AP3B1: variants seen among roughly 807,000 people sequenced by gnomAD.
AP3B1 encodes the protein AP-3 complex subunit beta-1.
AP3B1 carries 61 observed loss-of-function variants against 132.5 expected under a neutral mutation model. The ratio of observed to expected loss-of-function variants is 0.46; its 90% CI spans 0.37 to 0.57. The LOEUF is 0.57. AP3B1 is among the 20% of genes least tolerant of loss of function. The pLI, the probability that AP3B1 is intolerant of heterozygous loss-of-function variation, is 0.00. For synonymous variants in AP3B1, 388 were observed against 438.3 expected (o/e 0.89, Z 1.43); for missense variants, 1,120 against 1,289.4 (o/e 0.87, Z 2.01).
chr5:78,290,817 C>T (rs963193656), intron 1 of AP3B1, among the ~76,000 whole-genome samples: 1 of 151,970 alleles, frequency 6.6e-6, no homozygotes, highest in African/African-American at 2.4e-5. Flanking sequence ...GGCATGGTAG[C>T]ATGCACCTGT....
At chr5:78,122,157 T>TA (rs1752236875) in intron 17 of AP3B1, among the ~76,000 whole-genome samples, 1 of 152,184 alleles carries the variant, frequency 6.6e-6, no homozygotes, top group Non-Finnish European at 1.5e-5. Context: ...CCCTTCATGC[T>TA]AAAAACTCTC....
chr5:78,000,997 ATAC>A (rs573429055), downstream of AP3B1: 153 of 152,324 alleles, frequency 1.0e-3, no homozygotes, highest in African/African-American at 3.6e-3. Flanking sequence ...TCACTGATTC[ATAC>A]TACATTATAT....
chr5:78,140,121 T>A (rs1051051248), intron 15 of AP3B1, among the ~76,000 whole-genome samples: 6 of 152,212 alleles, frequency 3.9e-5, no homozygotes, highest in Non-Finnish European at 7.3e-5. Flanking sequence ...GCAATTCAGA[T>A]ATAGGAAAAG....
chr5:78,205,432 CAT>C (rs199735461), intron 7 of AP3B1, among the ~76,000 whole-genome samples: 15 of 151,044 alleles, frequency 9.9e-5, no homozygotes, highest in Middle Eastern at 3.4e-3. Flanking sequence ...TATATATATA[CAT>C]ATATATATAC....
At chr5:78,216,963 G>A (rs1745989249) in intron 6 of AP3B1, among the ~76,000 whole-genome samples, 2 of 152,034 alleles carry the variant, frequency 1.3e-5, no homozygotes, top group Admixed American at 1.3e-4. Context: ...GTAACATTGA[G>A]ATTCCTTTAC....
At position 78,111,175 on chromosome 5, in the gene AP3B1, C is replaced by A. The variant is rs138860730; in HGVS notation, c.2250-821G>T. 7.5e-3 allele frequency among the ~76,000 whole-genome samples: 1,142 copies of A among 152,266 alleles called. 17 individuals carry two copies. The highest frequency in any genetic ancestry group is 0.026 in the African/African-American group (1,070 of 41,550). Reference sequence around the variant, plus strand: ...TCCCAAATGTGACCTTAAACACATTCTATGAGAAAATGTTAACCAGTTCAA... The same window carrying A: ...TCCCAAATGTGACCTTAAACACATTATATGAGAAAATGTTAACCAGTTCAA... On this transcript the variant is annotated intron_variant, in intron 19 of 26. Transcript: ENST00000255194.
intron 13 of AP3B1, among the ~76,000 whole-genome samples, chr5:78,160,289 C>T (rs1474672312): frequency 6.6e-6 from 1 of 152,142 alleles, no homozygotes; most frequent in Admixed American, 6.5e-5. Flanking sequence ...ACAAAGTCTT[C>T]TGCCCCAATC....
In AP3B1 at chr5:78,087,657, G is replaced by A. The variant is rs935815761; in HGVS notation, c.2577+1736C>T. ...TTTTTTGCCCAACTTTAGATGGAGT[G>A]CTTTTCTTTCCTTTGAAGAGACCAT... On this transcript the variant is annotated intron_variant, in intron 22 of 26. Coordinates refer to ENST00000255194, the MANE Select transcript of AP3B1 (RefSeq NM_003664.5). The A allele has an allele frequency of 3.5e-5, 34 of 985,120 alleles. No individual in the cohort carries two copies. The African/African-American group carries it at 5.9e-4, about 17-fold the overall frequency. The allele number at this position is 985,120 out of a possible 1,614,324, so 61.0% of individuals were successfully genotyped here.
chr5:78,257,944 A>G (rs185873295), intron 2 of AP3B1, among the ~76,000 whole-genome samples: 148 of 152,304 alleles, frequency 9.7e-4, no homozygotes, highest in African/African-American at 3.1e-3. Context: ...TGCTAGGAAA[A>G]CTGGATATCC....
chr5:78,036,103 T>C (rs909433618), intron 23 of AP3B1, among the ~76,000 whole-genome samples: 2 of 152,150 alleles, frequency 1.3e-5, no homozygotes, highest in Non-Finnish European at 2.9e-5. Context: ...AAGTGACAGC[T>C]CTCAAGATGC....
intron 6 of AP3B1, among the ~76,000 whole-genome samples, chr5:78,219,648 C>T (rs558654097): frequency 6.6e-6 from 1 of 152,094 alleles, no homozygotes; most frequent in African/African-American, 2.4e-5. Flanking sequence ...AAAAACTATT[C>T]ATATGACACA....
Position 78,039,225 on chromosome 5 carries a change from C to T in AP3B1, c.2627G>A (p.Arg876Gln), listed in dbSNP as rs772186737. Residue 876 changes from arginine to glutamine, a missense_variant, in exon 23 of 27, where the codon CGA becomes CAA. By Grantham distance (43) the Arg-to-Gln change is conservative. Around this residue, in one of 3 missense-constraint regions of AP3B1, gnomAD observed 906 missense variants for 997.1 expected, o/e 0.91. Coordinates refer to ENST00000255194, the MANE Select transcript of AP3B1 (RefSeq NM_003664.5). ...GGCAGCTAGTCCTTTTCCACTCATT[C>T]GATGAAGCAGCACGTGAGTTTTCGT... ...VPTKTHVLLH[R>Q]MSGKGLAAHY... The T allele has an allele frequency of 3.5e-5, 57 of 1,613,914 alleles. No individual in the cohort carries two copies. The highest frequency in any genetic ancestry group is 4.5e-5 in the Non-Finnish European group (53 of 1,180,010).
At chr5:78,066,512 C>T (rs1749295981) in intron 22 of AP3B1, among the ~76,000 whole-genome samples, 1 of 152,154 alleles carries the variant, frequency 6.6e-6, no homozygotes, top group Non-Finnish European at 1.5e-5. Flanking sequence ...GAGAACTTCA[C>T]AATGCAACCC....
chr5:78,209,724 C>T (rs987720861), intron 7 of AP3B1, among the ~76,000 whole-genome samples: 1 of 152,144 alleles, frequency 6.6e-6, no homozygotes, highest in Non-Finnish European at 1.5e-5. Flanking sequence ...TACTTTTGAG[C>T]TCACACACAG....
intron 2 of AP3B1, among the ~76,000 whole-genome samples, chr5:78,244,060 AT>A (rs1747264575): frequency 6.6e-6 from 1 of 152,216 alleles, no homozygotes; most frequent in Non-Finnish European, 1.5e-5. Flanking sequence ...AATGGGCTAG[AT>A]TTGGGATTTA....
intron 24 of AP3B1, among the ~76,000 whole-genome samples, chr5:78,033,563 C>G (rs1258358785): frequency 2.0e-5 from 3 of 151,838 alleles, no homozygotes; most frequent in Non-Finnish European, 2.9e-5. Flanking sequence ...TCTAAGCTAG[C>G]TAAAATGTAG....
At chr5:78,109,400 TAAACGA>T (rs1264604803) in intron 20 of AP3B1, among the ~76,000 whole-genome samples, 1 of 152,098 alleles carries the variant, frequency 6.6e-6, no homozygotes, top group Middle Eastern at 3.4e-3. Flanking sequence ...ACAGAACAAA[TAAACGA>T]AAACAATATT....
intron 18 of AP3B1, 73 bp downstream of exon 18, chr5:78,116,053 T>A (rs767328138): frequency 9.2e-7 from 1 of 1,083,378 alleles, no homozygotes. Flanking sequence ...TATTATGGAT[T>A]AGGCCTTGTT....
chr5:78,232,649 T>C (rs575065675), intron 3 of AP3B1, among the ~76,000 whole-genome samples: 2 of 152,340 alleles, frequency 1.3e-5, no homozygotes, highest in African/African-American at 4.8e-5. Flanking sequence ...TACAACCTAC[T>C]GAAAAGTTCC....
Sources: allele counts gnomAD v4.1 joint callset (sites outside exome capture counted in the v4.1 genomes callset), GRCh38; gene constraint gnomAD v4.1.1; regional missense constraint gnomAD v4.1.1; transcripts MANE v1.5; gene names NCBI Gene and HGNC (gene_info 2026-07-23, HGNC 2026-07-21).